HERC4: variants seen among roughly 807,000 people sequenced by gnomAD.
The protein encoded by HERC4 is HECT and RLD domain containing E3 ubiquitin protein ligase 4.
HERC4 carries 28 observed loss-of-function variants against 124.3 expected under a neutral mutation model. The ratio of observed to expected loss-of-function variants is 0.23; its 90% CI spans 0.17 to 0.31. The LOEUF is 0.31. Among genes scored for constraint, HERC4 ranks in the 10% least tolerant of loss-of-function variants. The pLI is 1.00. For synonymous variants in HERC4, 407 were observed against 421.5 expected (o/e 0.97, Z 0.42); for missense variants, 713 against 1,229.3 (o/e 0.58, Z 6.28).
At chr10:68,047,702 G>A (rs1025142687) in intron 3 of HERC4, among the ~76,000 whole-genome samples, 2 of 152,056 alleles carry the variant, frequency 1.3e-5, no homozygotes, top group South Asian at 2.1e-4. Flanking sequence ...CTATTAGAAC[G>A]GCCACAAGAC....
intron 15 of HERC4, among the ~76,000 whole-genome samples, chr10:67,980,704 A>T (rs1007610355): frequency 1.3e-5 from 2 of 152,184 alleles, no homozygotes; most frequent in Non-Finnish European, 2.9e-5. Flanking sequence ...AACTTTTCAA[A>T]ACAGAGTATA....
At chr10:67,925,379 C>A (rs1362956115) in intron 23 of HERC4, among the ~76,000 whole-genome samples, 192 bp from the exon 24 acceptor site, 1 of 152,146 alleles carries the variant, frequency 6.6e-6, no homozygotes, top group Admixed American at 6.5e-5. Flanking sequence ...CACCAGAAAT[C>A]TTTCCTAGCA....
chr10:68,014,061 C>A lies in HERC4; in HGVS notation c.1034G>T (p.Trp345Leu), dbSNP rs41274102. Residue 345 changes from tryptophan (W) to leucine (L), a missense_variant, in exon 9 of 25, where the codon TGG (tryptophan) becomes TTG (leucine). Physicochemically the swap from Trp to Leu is moderately conservative, Grantham distance 61. Coordinates refer to ENST00000373700, the MANE Select transcript of HERC4 (RefSeq NM_015601.4). ...RKSPFTVKGN[W>L]YPYNGQCLPD... Reference sequence around the variant, plus strand: ...TAGACACTGCCCATTATAGGGGTACCAATTTCCTTTTACAGTAAAGGGGCT... The same window carrying A: ...TAGACACTGCCCATTATAGGGGTACAAATTTCCTTTTACAGTAAAGGGGCT... 59 of 1,612,938 alleles carry A rather than the reference C, an allele frequency of 3.7e-5. No individual in the cohort carries two copies. The highest frequency in any genetic ancestry group is 4.7e-5 in the Non-Finnish European group (56 of 1,179,504).
chr10:68,066,497 C>G (rs866387634), intron 3 of HERC4, among the ~76,000 whole-genome samples: 2 of 152,176 alleles, frequency 1.3e-5, no homozygotes, highest in Non-Finnish European at 2.9e-5. Context: ...AAGAAGTTTC[C>G]CTTTGTTAGA....
intron 3 of HERC4, among the ~76,000 whole-genome samples, chr10:68,071,616 G>T (rs905923082): frequency 2.6e-5 from 4 of 152,102 alleles, no homozygotes; most frequent in African/African-American, 9.7e-5. Context: ...ATCATCAAAT[G>T]CGTATCAGTA....
At chr10:68,061,224 G>A (rs1455272733) in intron 3 of HERC4, among the ~76,000 whole-genome samples, 8 of 152,082 alleles carry the variant, frequency 5.3e-5, no homozygotes, top group Admixed American at 5.2e-4. Context: ...CAAAAGCTTT[G>A]TTTCCAGTAA....
intron 16 of HERC4, chr10:67,959,232 T>C: frequency 3.5e-6 from 4 of 1,154,184 alleles, no homozygotes; most frequent in Non-Finnish European, 4.9e-6. Context: ...TTCATATATT[T>C]TGCTACAGCA....
Position 68,006,353 on chromosome 10 carries a change from C to T in HERC4, c.1069+7673G>A, listed in dbSNP as rs374584005. ...CAGGTCTGCTGTTGATGAAACGCCT[C>T]AGCGTTTTTGTTTTTGTTTTTGTTT... On this transcript the variant is annotated intron_variant, in intron 9 of 24. Coordinates refer to ENST00000373700, the MANE Select transcript of HERC4 (RefSeq NM_015601.4). 1.3e-4 allele frequency among the ~76,000 whole-genome samples: 20 copies of T among 150,912 alleles called. No homozygotes were observed. In the East Asian group the frequency reaches 3.3e-3, roughly 25 times the overall value.
At chr10:68,048,377 A>G (rs987379543) in intron 3 of HERC4, among the ~76,000 whole-genome samples, 2 of 152,226 alleles carry the variant, frequency 1.3e-5, no homozygotes, top group African/African-American at 4.8e-5. Flanking sequence ...AAGACATGGA[A>G]GAAATTTACT....
At chr10:68,045,101 G>A (rs924685825) in intron 3 of HERC4, among the ~76,000 whole-genome samples, 11 of 152,116 alleles carry the variant, frequency 7.2e-5, no homozygotes, top group Admixed American at 5.2e-4. Flanking sequence ...AGGGCGGATC[G>A]CTTTAGGTCA....
At chr10:67,931,054 C>T (rs1423200813) in intron 23 of HERC4, among the ~76,000 whole-genome samples, 1 of 151,852 alleles carries the variant, frequency 6.6e-6, no homozygotes, top group East Asian at 1.9e-4. Context: ...GGCGCAATCT[C>T]ACTGACTTGA....
chr10:68,057,075 T>C (rs1166302054), intron 3 of HERC4, among the ~76,000 whole-genome samples: 1 of 152,178 alleles, frequency 6.6e-6, no homozygotes, highest in Non-Finnish European at 1.5e-5. Flanking sequence ...TCTCCACAAC[T>C]TAACAGTTTT....
At chr10:67,938,005 T>C (rs1334797503) in intron 21 of HERC4, among the ~76,000 whole-genome samples, 2 of 151,990 alleles carry the variant, frequency 1.3e-5, no homozygotes, top group Non-Finnish European at 2.9e-5. Context: ...AAAATTTTCT[T>C]GAAAAAATTA....
At chr10:67,997,524 T>C (rs1190059743) in intron 9 of HERC4, among the ~76,000 whole-genome samples, 2 of 152,174 alleles carry the variant, frequency 1.3e-5, no homozygotes, top group African/African-American at 4.8e-5. Context: ...TTTCCTCTCA[T>C]ACTTATTTGA....
chr10:67,991,057 A>G, intron 12 of HERC4, 42 bp from the exon 13 acceptor site: 1 of 1,369,908 alleles, frequency 7.3e-7, no homozygotes, highest in Non-Finnish European at 9.8e-7. Context: ...ATAAAAATTT[A>G]AAATTATTTC....
At chr10:68,019,367 G>A (rs1489946152) in intron 8 of HERC4, among the ~76,000 whole-genome samples, 1 of 152,008 alleles carries the variant, frequency 6.6e-6, no homozygotes, top group African/African-American at 2.4e-5. Context: ...AAGTTATTAT[G>A]GTGTCTATAT....
At chr10:68,039,315 CAAAAAAAA>C (rs5785844) in intron 4 of HERC4, 20 of 1,098,076 alleles carry the variant, frequency 1.8e-5, no homozygotes, top group African/African-American at 1.3e-4. Flanking sequence ...GACCCTGTCT[CAAAAAAAA>C]AAAAAAAAAA....
intron 15 of HERC4, among the ~76,000 whole-genome samples, chr10:67,980,258 C>A (rs1040562267): frequency 2.6e-5 from 4 of 152,130 alleles, no homozygotes; most frequent in African/African-American, 9.7e-5. Context: ...CTCAGCCTCC[C>A]AAGTAGCTGG....
chr10:67,964,375 G>C (rs2132421526), intron 16 of HERC4, among the ~76,000 whole-genome samples: 1 of 151,784 alleles, frequency 6.6e-6, no homozygotes, highest in Non-Finnish European at 1.5e-5. Context: ...AATCTTTGTG[G>C]ATTTCTCTCC....
Sources: allele counts gnomAD v4.1 joint callset (sites outside exome capture counted in the v4.1 genomes callset), GRCh38; gene constraint gnomAD v4.1.1; transcripts MANE v1.5; gene names NCBI Gene and HGNC (gene_info 2026-07-23, HGNC 2026-07-21).